The following SKI variants were observed in gnomAD, a reference collection of about 807,000 sequenced individuals.
The protein encoded by SKI is SKI proto-oncogene.
In SKI, 23 loss-of-function variants were observed where a neutral mutation model predicts 59.3. The observed-to-expected ratio is 0.39, with a 90% CI of 0.28 to 0.55. SKI has a LOEUF of 0.55. Among genes scored for constraint, SKI ranks in the 20% least tolerant of loss-of-function variants. The pLI, the probability that SKI is intolerant of heterozygous loss-of-function variation, is 0.67. For synonymous variants in SKI, 673 were observed against 488.6 expected, an observed-to-expected ratio of 1.38 and a Z score of -4.98; for missense variants, 1,017 against 1,038.9, an observed-to-expected ratio of 0.98 and a Z score of 0.29.
At position 2,229,483 on chromosome 1, in the gene SKI, C is replaced by T. The variant is rs1322505833; in HGVS notation, c.717C>T (p.Ser239=). 2 of 1,611,468 alleles carry T rather than the reference C, an allele frequency of 1.2e-6. No homozygotes were observed. The highest frequency in any genetic ancestry group is 1.7e-6 in the Non-Finnish European group (2 of 1,179,806). Residue 239 remains serine (S), a synonymous_variant, in exon 1 of 7, where the codon AGC becomes AGT. Transcript: ENST00000378536. This position sits in a 1 kb window ranked among gnomAD's most constrained non-coding sequence, Gnocchi z 6.3. ...TGCTGGTGCCCGAGCTCTACAGCAG[C>T]CCGAGCGCCGCCTGCATCCAGTGCC... The part of the protein sequence containing the change: ...KGLLVPELYS[S]PSAACIQCLD...
Position 2,270,974 on chromosome 1 carries a change from C to T in SKI, c.970-32004C>T, listed in dbSNP as rs1016241916. Among the ~76,000 whole-genome samples the T allele has an allele frequency of 6.6e-6, 1 of 152,216 alleles. No individual in the cohort carries two copies. The highest frequency in any genetic ancestry group is 1.5e-5 in the Non-Finnish European group (1 of 68,028). On this transcript the variant is annotated intron_variant, in intron 1 of 6. Coordinates refer to ENST00000378536, the MANE Select transcript of SKI (RefSeq NM_003036.4). The surrounding 1 kb of genome is among the most constrained non-coding windows in gnomAD (Gnocchi z 4.1). ...GTGAATGAGCCGATGGCCGCAAGTGCCTGGCCTCAGGCCTGGGCTGTGGGG... is the reference window on the plus strand; with the variant it reads ...GTGAATGAGCCGATGGCCGCAAGTGTCTGGCCTCAGGCCTGGGCTGTGGGG...
At chr1:2,272,712 C>T (rs370920856) in intron 1 of SKI, among the ~76,000 whole-genome samples, 1 of 152,316 alleles carries the variant, frequency 6.6e-6, no homozygotes, top group Admixed American at 6.5e-5. Flanking sequence ...AACCAAAACT[C>T]CCTGTTGAGG....
In SKI at chr1:2,306,858, CCA is replaced by C; in HGVS notation, c.*98_*99del. 1 of 862,698 alleles carries C rather than the reference CCA, an allele frequency of 1.2e-6. No individual in the cohort carries two copies. The allele number at this position is 862,698 out of a possible 1,614,324, so 53.4% of individuals were successfully genotyped here. A position where few individuals can be genotyped will look rare whatever the true frequency, so the allele number is the denominator to read the frequency against. On this transcript the variant is annotated 3_prime_UTR_variant, in exon 7 of 7. Transcript: ENST00000378536. ...CTCCGCCCGGCTCCGCCCCTGCAGC[CCA>C]CACAGCACAACGTCTTACCGTGCCT...
At chr1:2,235,634 G>C (rs1308676181) in intron 1 of SKI, among the ~76,000 whole-genome samples, 1 of 152,230 alleles carries the variant, frequency 6.6e-6, no homozygotes, top group Admixed American at 6.5e-5. Context: ...AGGCTGCCTT[G>C]CTGGGGTGGC....
chr1:2,293,650 C>A (rs557944131), intron 1 of SKI, among the ~76,000 whole-genome samples: 1 of 152,204 alleles, frequency 6.6e-6, no homozygotes, highest in Non-Finnish European at 1.5e-5. Flanking sequence ...CCGTGTCTTG[C>A]TTTAAGCTGC....
Position 2,229,079 on chromosome 1 carries a change from C to T in SKI, c.313C>T (p.Leu105=), listed in dbSNP as rs1205975923. The T allele has an allele frequency of 3.7e-6, 6 of 1,608,536 alleles. No individual in the cohort carries two copies. The highest frequency in any genetic ancestry group is 3.3e-5 in the Admixed American group (2 of 60,022). ...DRSTERCETV[L]EGETISCFVV... The stretch of plus-strand genomic sequence containing the variant: ...CTCCACCGAGCGCTGCGAGACCGTA[C>T]TGGAAGGCGAGACCATCTCGTGCTT... Residue 105 remains leucine, a synonymous_variant, in exon 1 of 7, where the codon CTG becomes TTG. Transcript: ENST00000378536. This position sits in a 1 kb window ranked among gnomAD's most constrained non-coding sequence, Gnocchi z 6.3.
chr1:2,274,221 A>T (rs1050804686), intron 1 of SKI, among the ~76,000 whole-genome samples: 1 of 152,094 alleles, frequency 6.6e-6, no homozygotes, highest in African/African-American at 2.4e-5. Flanking sequence ...CTGCTTTCCC[A>T]TGGCAGGCTT....
At chr1:2,235,875 C>T (rs552629183) in intron 1 of SKI, among the ~76,000 whole-genome samples, 7 of 152,326 alleles carry the variant, frequency 4.6e-5, no homozygotes, top group Admixed American at 6.5e-5. Context: ...TCCTGCCGGC[C>T]GCCTAGTAGG....
chr1:2,273,892 C>G (rs1639683912), intron 1 of SKI, among the ~76,000 whole-genome samples: 1 of 152,172 alleles, frequency 6.6e-6, no homozygotes, highest in Non-Finnish European at 1.5e-5. Context: ...GGGGATGCCT[C>G]TCCGCCCACC....
Position 2,306,142 on chromosome 1 carries a change from C to A in SKI, c.1890C>A (p.Ala630=), listed in dbSNP as rs773151547. 7.5e-6 allele frequency: 12 copies of A among 1,595,068 alleles called. No individual in the cohort carries two copies. The highest frequency in any genetic ancestry group is 1.0e-5 in the Non-Finnish European group (12 of 1,172,204). ...AGAACGAGAAGAAGATGAAAGAGGC[C>A]AACGAGTCACGGCTGCGCCTGAAGC... ...RAENEKKMKE[A]NESRLRLKRE... Residue 630 remains alanine (A), a synonymous_variant, in exon 6 of 7, where the codon GCC becomes GCA. Transcript: ENST00000378536.
In SKI at chr1:2,303,117, T is replaced by A; in HGVS notation, c.1095+14T>A. ...TCTTCCAATAAGGTGCTGTGGGGCCTGTCGGGGTCCTTGGGGTGGTGGGTA... is the reference window on the plus strand; with the variant it reads ...TCTTCCAATAAGGTGCTGTGGGGCCAGTCGGGGTCCTTGGGGTGGTGGGTA... On this transcript the variant is annotated intron_variant, in intron 2 of 6. Transcript: ENST00000378536. This position sits in a 1 kb window ranked among gnomAD's most constrained non-coding sequence, Gnocchi z 5.6. The A allele has an allele frequency of 1.9e-6, 3 of 1,613,030 alleles. No homozygotes were observed. In the South Asian group the frequency reaches 3.3e-5, roughly 18 times the overall value.
intron 1 of SKI, among the ~76,000 whole-genome samples, chr1:2,239,110 C>T (rs1476541649): frequency 6.6e-6 from 1 of 152,220 alleles, no homozygotes; most frequent in Admixed American, 6.5e-5. Flanking sequence ...AATTATACTA[C>T]CAAGTTGAAT....
At chr1:2,294,488 C>G (rs1315629743) in intron 1 of SKI, among the ~76,000 whole-genome samples, 2 of 152,228 alleles carry the variant, frequency 1.3e-5, no homozygotes. Flanking sequence ...CCTGACCTCT[C>G]TGGCAGGAAG....
At position 2,267,928 on chromosome 1, in the gene SKI, G is replaced by A. The variant is rs1467836457; in HGVS notation, c.970-35050G>A. ...CAGTGGGAGGCTGGAGGTCCTGTGT[G>A]CCACCCGGGGCCTGTGTGCTGTGGT... On this transcript the variant is annotated intron_variant, in intron 1 of 6. Coordinates refer to ENST00000378536, the MANE Select transcript of SKI (RefSeq NM_003036.4). The surrounding 1 kb of genome is among the most constrained non-coding windows in gnomAD (Gnocchi z 4.1). 2.6e-5 allele frequency among the ~76,000 whole-genome samples: 4 copies of A among 152,220 alleles called. No individual in the cohort carries two copies. The highest frequency in any genetic ancestry group is 1.3e-4 in the Admixed American group (2 of 15,286).
intron 1 of SKI, among the ~76,000 whole-genome samples, chr1:2,262,752 T>G (rs1639415847): frequency 6.6e-6 from 1 of 152,166 alleles, no homozygotes; most frequent in Non-Finnish European, 1.5e-5. Context: ...ATTGAGATTA[T>G]TAATATGGTG....
intron 1 of SKI, among the ~76,000 whole-genome samples, chr1:2,243,546 C>T (rs1210348057): frequency 2.0e-5 from 3 of 152,176 alleles, no homozygotes; most frequent in Non-Finnish European, 2.9e-5. Flanking sequence ...TGCCTTGGGA[C>T]GAGTGGGCAG....
intron 1 of SKI, among the ~76,000 whole-genome samples, chr1:2,291,397 G>A (rs568285751): frequency 6.6e-6 from 1 of 152,340 alleles, no homozygotes; most frequent in African/African-American, 2.4e-5. Flanking sequence ...GCTCAGGCTG[G>A]ATGGGGAGGG....
At chr1:2,241,789 C>T (rs1160663803) in intron 1 of SKI, among the ~76,000 whole-genome samples, 4 of 152,172 alleles carry the variant, frequency 2.6e-5, no homozygotes, top group South Asian at 2.1e-4. Flanking sequence ...TCATAAAAAA[C>T]GCTCACCATG....
chr1:2,257,641 CT>C (rs1639301491), intron 1 of SKI, among the ~76,000 whole-genome samples: 1 of 152,244 alleles, frequency 6.6e-6, no homozygotes, highest in African/African-American at 2.4e-5. Context: ...CGTCTTAAAA[CT>C]GGATTTCTTT....
Sources: allele counts gnomAD v4.1 joint callset (sites outside exome capture counted in the v4.1 genomes callset), GRCh38; gene constraint gnomAD v4.1.1; non-coding constraint Gnocchi (gnomAD v3.1); transcripts MANE v1.5; gene names NCBI Gene and HGNC (gene_info 2026-07-23, HGNC 2026-07-21).